Variants in ACYP2 observed in about 807,000 individuals in gnomAD.
The protein encoded by ACYP2 is acylphosphatase-2.
Under a neutral mutation model 11.2 loss-of-function variants are expected in ACYP2, and 12 were observed. The observed-to-expected ratio is 1.08, with a 90% CI of 0.69 to 1.74. The LOEUF is 1.74. ACYP2 is among the 40% of genes most tolerant of loss of function. ACYP2 has a pLI of 0.00. For missense variants in ACYP2, 134 were observed against 101.9 expected (o/e 1.31, Z -1.35); for synonymous variants, 43 against 32.2 (o/e 1.33, Z -1.13).
At chr2:54,010,025 C>A (rs747793011) in intron 2 of ACYP2, among the ~76,000 whole-genome samples, 1 of 151,982 alleles carries the variant, frequency 6.6e-6, no homozygotes, top group Non-Finnish European at 1.5e-5. Flanking sequence ...ACTCTTAGAA[C>A]AAATACCAGG....
intron 4 of ACYP2, among the ~76,000 whole-genome samples, chr2:54,114,837 T>A (rs142856810): frequency 2.4e-4 from 36 of 152,376 alleles, no homozygotes; most frequent in African/African-American, 7.9e-4. Context: ...CCGTTTAGAA[T>A]ACGAGTTCAG....
At chr2:54,072,216 T>G (rs974866761) in intron 4 of ACYP2, among the ~76,000 whole-genome samples, 8 of 152,234 alleles carry the variant, frequency 5.3e-5, no homozygotes, top group African/African-American at 1.7e-4. Flanking sequence ...GTTCATGAAT[T>G]AGAAGACTTA....
At chr2:53,980,450 G>T (rs1470086510) in intron 2 of ACYP2, among the ~76,000 whole-genome samples, 1 of 151,886 alleles carries the variant, frequency 6.6e-6, no homozygotes, top group Non-Finnish European at 1.5e-5. Context: ...AGGAGCTGTG[G>T]TTCACACCTG....
chr2:54,169,869 C>T (rs1449397600), intron 6 of ACYP2, among the ~76,000 whole-genome samples: 1 of 152,114 alleles, frequency 6.6e-6, no homozygotes. Context: ...ATAGTTTTAG[C>T]GATTTTTTTG....
intron 6 of ACYP2, among the ~76,000 whole-genome samples, chr2:54,174,537 C>T (rs1171560675): frequency 6.6e-6 from 1 of 152,066 alleles, no homozygotes; most frequent in East Asian, 1.9e-4. Context: ...GCCTGATTGC[C>T]CTGGCCAGAA....
chr2:54,289,917 A>G (rs1314346339), intron 6 of ACYP2, among the ~76,000 whole-genome samples: 1 of 152,040 alleles, frequency 6.6e-6, no homozygotes, highest in Non-Finnish European at 1.5e-5. Flanking sequence ...TATGCTCAAT[A>G]CAGCCGGTGT....
chr2:54,008,240 A>T (rs1479711186), intron 2 of ACYP2, among the ~76,000 whole-genome samples: 3 of 152,170 alleles, frequency 2.0e-5, no homozygotes, highest in Non-Finnish European at 4.4e-5. Flanking sequence ...CCTACACACT[A>T]AAGTCCACTA....
intron 6 of ACYP2, among the ~76,000 whole-genome samples, chr2:54,272,635 A>C (rs569495779): frequency 7.0e-4 from 107 of 152,374 alleles, no homozygotes; most frequent in Non-Finnish European, 1.4e-3. Flanking sequence ...GTCCTCATCC[A>C]AATGTAAGTC....
Position 54,255,149 on chromosome 2 carries a change from C to T in ACYP2, c.405-49539C>T, listed in dbSNP as rs567862296. The T allele has an allele frequency of 3.2e-5, 52 of 1,614,154 alleles. No individual in the cohort carries two copies. The African/African-American group carries it at 4.4e-4, about 14-fold the overall frequency. ...TTCCTATGAATGAAGGACTGGGGTC[C>T]ATGGCCCCGGCGCCACATGATTAGA... On this transcript the variant is annotated intron_variant, in intron 6 of 6. Transcript: ENST00000607452.
chr2:54,254,218 G>C (rs944114695), intron 6 of ACYP2: 1 of 152,338 alleles, frequency 6.6e-6, no homozygotes, highest in African/African-American at 2.4e-5. Context: ...GGTAAAGAGA[G>C]GTCTTTTGGA....
chr2:54,194,630 C>G (rs1684380490), intron 6 of ACYP2, among the ~76,000 whole-genome samples: 2 of 151,906 alleles, frequency 1.3e-5, no homozygotes, highest in Admixed American at 6.6e-5. Context: ...ACATCAAAGA[C>G]TATGTTATTT....
At chr2:54,026,636 C>A (rs561338701) in intron 2 of ACYP2, among the ~76,000 whole-genome samples, 6 of 152,278 alleles carry the variant, frequency 3.9e-5, no homozygotes, top group South Asian at 2.1e-4. Flanking sequence ...CAATTCGCAA[C>A]TGCAAAAATA....
chr2:54,079,766 T>C (rs1441905775), intron 4 of ACYP2, among the ~76,000 whole-genome samples: 1 of 152,174 alleles, frequency 6.6e-6, no homozygotes, highest in Non-Finnish European at 1.5e-5. Flanking sequence ...AGAAAAATAA[T>C]ATAAGATTAC....
At chr2:54,081,490 G>A (rs1677645477) in intron 4 of ACYP2, among the ~76,000 whole-genome samples, 1 of 152,148 alleles carries the variant, frequency 6.6e-6, no homozygotes, top group African/African-American at 2.4e-5. Flanking sequence ...ACAGTATTCA[G>A]TACCGTCACA....
chr2:54,154,888 TC>T (rs1558574291), intron 6 of ACYP2, among the ~76,000 whole-genome samples: 1 of 152,208 alleles, frequency 6.6e-6, no homozygotes, highest in Non-Finnish European at 1.5e-5. Flanking sequence ...CAGTAACACT[TC>T]CAGTCTTGGG....
chr2:54,016,277 T>A (rs1673678621), intron 2 of ACYP2, among the ~76,000 whole-genome samples: 2 of 152,040 alleles, frequency 1.3e-5, no homozygotes, highest in Admixed American at 6.6e-5. Flanking sequence ...ATAAAAAAAA[T>A]ATGTAGCCTT....
rs964918480 is a variant in ACYP2, at chr2:54,186,500, TTTG to T, written c.404+47770_404+47772del. 2.4e-4 allele frequency among the ~76,000 whole-genome samples: 36 copies of T among 152,068 alleles called. No individual in the cohort carries two copies. The Middle Eastern group carries it at 0.01, about 43-fold the overall frequency. Reference sequence around the variant, plus strand: ...TATTAGATTTATATATAAATAGCATTTTGTTGTTGTTGTTGTTGTTATCGTTTT... The same window carrying T: ...TATTAGATTTATATATAAATAGCATTTTGTTGTTGTTGTTGTTATCGTTTT... On this transcript the variant is annotated intron_variant, in intron 6 of 6. Coordinates refer to ENST00000607452, the MANE Select transcript of ACYP2 (RefSeq NM_001320586.2).
At chr2:54,012,517 C>T (rs755116305) in intron 2 of ACYP2, among the ~76,000 whole-genome samples, 12 of 152,122 alleles carry the variant, frequency 7.9e-5, no homozygotes, top group Non-Finnish European at 1.5e-4. Context: ...CTGTCTCAAT[C>T]AATCAATCAA....
In ACYP2 at chr2:54,264,106, T is replaced by A. The variant is rs1006405711; in HGVS notation, c.405-40582T>A. On this transcript the variant is annotated intron_variant, in intron 6 of 6. Coordinates refer to ENST00000607452, the MANE Select transcript of ACYP2 (RefSeq NM_001320586.2). ...TCGCGATGAGTGTTCTTAAAGATGG[T>A]GTGTGCAGAGTTTGTTCCTTCAGAT... 2.6e-5 allele frequency among the ~76,000 whole-genome samples: 4 copies of A among 152,128 alleles called. No homozygotes were observed. In the East Asian group the frequency reaches 7.7e-4, roughly 29 times the overall value.
Sources: gnomAD v4.1 joint callset for allele counts (sites outside exome capture counted in the v4.1 genomes callset) on GRCh38, gnomAD v4.1.1 for gene constraint, MANE v1.5 for transcripts, NCBI Gene and HGNC (gene_info 2026-07-23, HGNC 2026-07-21) for gene names.